ADGRL3: variants seen among roughly 807,000 people sequenced by gnomAD.
The protein encoded by ADGRL3 is calcium-independent alpha-latrotoxin receptor 3.
A neutral mutation model predicts 153.5 loss-of-function variants in ADGRL3; 62 were observed. The observed-to-expected ratio is 0.40, with a 90% CI of 0.33 to 0.50. The LOEUF is 0.50. Among genes scored for constraint, ADGRL3 ranks in the 20% least tolerant of loss-of-function variants. The pLI, the probability that ADGRL3 is intolerant of heterozygous loss-of-function variation, is 0.47. For missense variants in ADGRL3, 1,641 were observed against 1,859.4 expected (o/e 0.88, Z 2.16); for synonymous variants, 710 against 672.5 (o/e 1.06, Z -0.86).
intron 2 of ADGRL3, among the ~76,000 whole-genome samples, chr4:61,490,641 G>C (rs1416357825): frequency 6.6e-6 from 1 of 151,786 alleles, no homozygotes; most frequent in Non-Finnish European, 1.5e-5. Context: ...TAAACTCAGT[G>C]GTTAAATGCT....
rs538605122 is a variant in ADGRL3 at position 62,006,779 on chromosome 4, A to G, written c.3395+8514A>G. 7.2e-5 allele frequency among the ~76,000 whole-genome samples: 11 copies of G among 152,260 alleles called. No individual in the cohort carries two copies. In the South Asian group the frequency reaches 2.3e-3, roughly 32 times the overall value. ...AAAAATACAACAGTGAAAATGGCAT[A>G]AAGATAGAGCAAACAATTGAAATGG... On this transcript the variant is annotated intron_variant, in intron 21 of 26. Transcript: ENST00000683033.
intron 1 of ADGRL3, among the ~76,000 whole-genome samples, chr4:61,231,158 G>C (rs1750474472): frequency 6.6e-6 from 1 of 152,190 alleles, no homozygotes; most frequent in Non-Finnish European, 1.5e-5. Flanking sequence ...GGAGATAGTA[G>C]ACCCAGGCAT....
At chr4:62,006,312 G>A (rs919612638) in intron 21 of ADGRL3, among the ~76,000 whole-genome samples, 1 of 151,634 alleles carries the variant, frequency 6.6e-6, no homozygotes, top group Non-Finnish European at 1.5e-5. Context: ...CCTGAGCCGC[G>A]GAGCCCAGCC....
At chr4:61,512,860 A>G (rs181642821) in intron 3 of ADGRL3, among the ~76,000 whole-genome samples, 1 of 152,166 alleles carries the variant, frequency 6.6e-6, no homozygotes, top group African/African-American at 2.4e-5. Context: ...TCTTTCCAAG[A>G]GATACTACCA....
At chr4:61,978,172 A>G (rs2099054517) in intron 17 of ADGRL3, among the ~76,000 whole-genome samples, 1 of 152,172 alleles carries the variant, frequency 6.6e-6, no homozygotes, top group African/African-American at 2.4e-5. Flanking sequence ...AAAAGTATCA[A>G]TTAGAAAGAC....
chr4:61,261,443 A>C (rs2092513614), intron 1 of ADGRL3, among the ~76,000 whole-genome samples: 1 of 152,060 alleles, frequency 6.6e-6, no homozygotes, highest in South Asian at 2.1e-4. Context: ...ATGAAATTCA[A>C]GTTTGGTATC....
chr4:61,983,510 G>C lies in ADGRL3; in HGVS notation c.3143G>C (p.Arg1048Thr). The change falls in exon 19 of 27, where the codon AGG becomes ACG. Residue 1048 changes from arginine to threonine, a missense_variant. Physicochemically the swap from Arg to Thr is moderately conservative, Grantham distance 71. Around this residue, in one of 5 missense-constraint regions of ADGRL3, gnomAD observed 734 missense variants for 797.0 expected, o/e 0.92. Coordinates refer to ENST00000683033, the MANE Select transcript of ADGRL3 (RefSeq NM_001387552.1). ...VEVFESEHSR[R>T]KYFYLVGYGM... Reference sequence around the variant, plus strand: ...GTTTTTGAGAGTGAACATTCACGTAGGAAATACTTTTATCTGGTCGGCTAT... The same window carrying C: ...GTTTTTGAGAGTGAACATTCACGTACGAAATACTTTTATCTGGTCGGCTAT... 1 of 1,613,928 alleles carries C rather than the reference G, an allele frequency of 6.2e-7. No individual in the cohort carries two copies. The highest frequency in any genetic ancestry group is 8.5e-7 in the Non-Finnish European group (1 of 1,179,850).
intron 1 of ADGRL3, among the ~76,000 whole-genome samples, chr4:61,371,132 G>A (rs1183344780): frequency 3.3e-5 from 5 of 149,910 alleles, no homozygotes; most frequent in East Asian, 2.0e-4. Flanking sequence ...GTCTCTGCAC[G>A]TGAGATGGGT....
At chr4:61,459,938 G>T (rs1560671568) in intron 2 of ADGRL3, among the ~76,000 whole-genome samples, 1 of 151,890 alleles carries the variant, frequency 6.6e-6, no homozygotes, top group African/African-American at 2.4e-5. Context: ...GATTATTTGG[G>T]TTTTTTGCTG....
chr4:61,617,536 T>C (rs534188504), intron 5 of ADGRL3, among the ~76,000 whole-genome samples: 1 of 152,250 alleles, frequency 6.6e-6, no homozygotes, highest in Non-Finnish European at 1.5e-5. Context: ...CTTAGATTTT[T>C]CCCAAAATTA....
chr4:62,071,021 T>A lies in ADGRL3; in HGVS notation c.*113T>A, dbSNP rs2151936466. Reference sequence around the variant, plus strand: ...ACTCCTAAATCTTTATGCTGTCCTCTAAAGACAAACACAAACTCTCAGACT... The same window carrying A: ...ACTCCTAAATCTTTATGCTGTCCTCAAAAGACAAACACAAACTCTCAGACT... On this transcript the variant is annotated 3_prime_UTR_variant, in exon 27 of 27. Coordinates refer to ENST00000683033, the MANE Select transcript of ADGRL3 (RefSeq NM_001387552.1). 1.1e-6 allele frequency: 1 copy of A among 935,538 alleles called. No individual in the cohort carries two copies. The highest frequency in any genetic ancestry group is 1.6e-6 in the Non-Finnish European group (1 of 640,440). 58.0% of individuals were successfully genotyped at this position (935,538 alleles called of 1,614,324 possible).
At chr4:61,324,389 TA>T (rs890190046) in intron 1 of ADGRL3, among the ~76,000 whole-genome samples, 9 of 151,586 alleles carry the variant, frequency 5.9e-5, no homozygotes, top group Middle Eastern at 3.4e-3. Context: ...ATAAGCATGT[TA>T]AAAAAAAAGA....
chr4:61,714,323 T>C (rs550073712), intron 6 of ADGRL3, among the ~76,000 whole-genome samples: 2 of 151,152 alleles, frequency 1.3e-5, no homozygotes, highest in Non-Finnish European at 2.9e-5. Context: ...GAGTTAAAGA[T>C]TATGGTGAAT....
intron 8 of ADGRL3, among the ~76,000 whole-genome samples, chr4:61,760,890 A>C (rs2096904641): frequency 6.6e-6 from 1 of 152,162 alleles, no homozygotes; most frequent in Non-Finnish European, 1.5e-5. Flanking sequence ...CCAGAGTTTT[A>C]TTATTACTCA....
intron 18 of ADGRL3, 44 bp from the exon 19 acceptor site, chr4:61,983,339 C>T: frequency 6.7e-7 from 1 of 1,488,900 alleles, no homozygotes; most frequent in South Asian, 1.1e-5. Context: ...GACTAGTATC[C>T]CATGTGGTAG....
At chr4:61,707,705 A>G (rs900432379) in intron 6 of ADGRL3, among the ~76,000 whole-genome samples, 1 of 152,186 alleles carries the variant, frequency 6.6e-6, no homozygotes. Context: ...GATTAAGCAA[A>G]TGAAGAAGAA....
chr4:61,384,473 G>A (rs1400236533), intron 2 of ADGRL3, among the ~76,000 whole-genome samples: 4 of 150,802 alleles, frequency 2.7e-5, no homozygotes, highest in Admixed American at 1.3e-4. Flanking sequence ...ATAGATATAT[G>A]TATAAATAAT....
chr4:61,537,440 T>C (rs2098663855), intron 4 of ADGRL3, among the ~76,000 whole-genome samples: 1 of 152,182 alleles, frequency 6.6e-6, no homozygotes, highest in South Asian at 2.1e-4. Flanking sequence ...ATTACAGATA[T>C]TTTCTTCAAT....
At chr4:61,796,760 A>G (rs965505966) in intron 8 of ADGRL3, among the ~76,000 whole-genome samples, 1 of 152,180 alleles carries the variant, frequency 6.6e-6, no homozygotes, top group Non-Finnish European at 1.5e-5. Flanking sequence ...TTTACCAGAT[A>G]TGATCTTGAA....
Sources: gnomAD v4.1 joint callset for allele counts (sites outside exome capture counted in the v4.1 genomes callset) on GRCh38, gnomAD v4.1.1 for gene constraint, gnomAD v4.1.1 regional missense constraint, MANE v1.5 for transcripts, NCBI Gene and HGNC (gene_info 2026-07-23, HGNC 2026-07-21) for gene names.